RNF13: variants seen among roughly 807,000 people sequenced by gnomAD.
The protein encoded by RNF13 is E3 ubiquitin-protein ligase RNF13.
Under a neutral mutation model 37.7 loss-of-function variants are expected in RNF13, and 19 were observed. The ratio of observed to expected loss-of-function variants is 0.50; its 90% CI spans 0.35 to 0.74. RNF13 has a LOEUF of 0.74. Ranked by LOEUF, RNF13 falls within the 30% of genes least tolerant of loss-of-function variation. The probability of loss-of-function intolerance (pLI) is 0.01; values close to 1 mark genes in which losing one functional copy is unlikely to be tolerated. For synonymous variants in RNF13, 144 were observed against 157.8 expected (o/e 0.91, Z 0.65); for missense variants, 375 against 453.0 (o/e 0.83, Z 1.56).
At chr3:149,940,708 A>G (rs1167632148) in intron 8 of RNF13, among the ~76,000 whole-genome samples, 1 of 152,164 alleles carries the variant, frequency 6.6e-6, no homozygotes, top group African/African-American at 2.4e-5. Flanking sequence ...AACACATAAC[A>G]ATAAATTTAC....
chr3:149,932,833 C>G (rs1285702867), intron 8 of RNF13, among the ~76,000 whole-genome samples: 2 of 152,194 alleles, frequency 1.3e-5, no homozygotes, highest in Non-Finnish European at 2.9e-5. Flanking sequence ...GTCCTGTTCC[C>G]ATAGCTTCAC....
intron 1 of RNF13, 131 bp from the exon 2 acceptor site, chr3:149,845,880 C>A: frequency 1.8e-6 from 1 of 553,530 alleles, no homozygotes; most frequent in Non-Finnish European, 3.2e-6. Flanking sequence ...GAAATAAAAG[C>A]TTTACTTTTA....
At chr3:149,910,282 T>C (rs1716859034) in intron 6 of RNF13, among the ~76,000 whole-genome samples, 1 of 152,186 alleles carries the variant, frequency 6.6e-6, no homozygotes, top group Non-Finnish European at 1.5e-5. Flanking sequence ...CTGATTTTCT[T>C]TTTTACACTG....
upstream of RNF13, chr3:149,813,142 C>T (rs371445561): frequency 1.3e-5 from 2 of 152,276 alleles, no homozygotes; most frequent in East Asian, 1.9e-4. Flanking sequence ...TAACAGGCAA[C>T]CATGTTGCCC....
At chr3:149,863,129 T>C (rs1724443710) in intron 3 of RNF13, among the ~76,000 whole-genome samples, 1 of 152,228 alleles carries the variant, frequency 6.6e-6, no homozygotes, top group Admixed American at 6.5e-5. Flanking sequence ...ACTGAAATAA[T>C]TCCTCTAGTT....
At chr3:149,854,725 C>G (rs776399115) in intron 3 of RNF13, among the ~76,000 whole-genome samples, 7 of 152,154 alleles carry the variant, frequency 4.6e-5, no homozygotes, top group African/African-American at 7.2e-5. Context: ...GGTTTTACCT[C>G]ACAACATTTG....
intron 7 of RNF13, among the ~76,000 whole-genome samples, chr3:149,918,505 A>G (rs969517759): frequency 6.6e-6 from 1 of 151,976 alleles, no homozygotes; most frequent in African/African-American, 2.4e-5. Flanking sequence ...TAATATTTTC[A>G]TGGTAGATCT....
chr3:149,876,520 T>TA (rs1576805547), intron 4 of RNF13, among the ~76,000 whole-genome samples: 1 of 152,222 alleles, frequency 6.6e-6, no homozygotes, highest in East Asian at 1.9e-4. Flanking sequence ...CTGGGATACT[T>TA]TACCTGACTT....
intron 4 of RNF13, among the ~76,000 whole-genome samples, chr3:149,887,458 AC>A (rs1303054082): frequency 6.6e-6 from 1 of 152,016 alleles, no homozygotes; most frequent in East Asian, 1.9e-4. Context: ...GTGCCATCAC[AC>A]CCAGCTTATT....
chr3:149,845,675 TA>T (rs1367237431), intron 1 of RNF13: 1 of 166,784 alleles, frequency 6.0e-6, no homozygotes, highest in African/African-American at 2.4e-5. Context: ...TGTATGTTTT[TA>T]ACCATTATTT....
chr3:149,861,804 A>G (rs1724283145), intron 3 of RNF13, among the ~76,000 whole-genome samples: 2 of 152,286 alleles, frequency 1.3e-5, no homozygotes, highest in South Asian at 4.1e-4. Context: ...TTCTCAACAC[A>G]TAGAAATGAT....
At chr3:149,904,834 T>C (rs1316656407) in intron 6 of RNF13, among the ~76,000 whole-genome samples, 3 of 152,146 alleles carry the variant, frequency 2.0e-5, no homozygotes. Flanking sequence ...TAGGAAAATA[T>C]ATATCTCCTC....
chr3:149,831,879 G>A (rs1721090569), intron 1 of RNF13, among the ~76,000 whole-genome samples: 1 of 152,152 alleles, frequency 6.6e-6, no homozygotes, highest in South Asian at 2.1e-4. Flanking sequence ...TTTAGGTGGT[G>A]TGTGAGCTGA....
chr3:149,883,047 A>C (rs1713604529), intron 4 of RNF13, among the ~76,000 whole-genome samples: 1 of 152,188 alleles, frequency 6.6e-6, no homozygotes, highest in Non-Finnish European at 1.5e-5. Flanking sequence ...ATTCTCCTAC[A>C]TGTAGTTACC....
chr3:149,817,832 A>C (rs958720261), intron 1 of RNF13, among the ~76,000 whole-genome samples: 1 of 152,144 alleles, frequency 6.6e-6, no homozygotes, highest in African/African-American at 2.4e-5. Flanking sequence ...TATTATCTTC[A>C]CAAGTGGGGG....
intron 1 of RNF13, among the ~76,000 whole-genome samples, chr3:149,838,317 C>T (rs1721838899): frequency 1.3e-5 from 2 of 152,180 alleles, no homozygotes; most frequent in Non-Finnish European, 2.9e-5. Context: ...CACAGCTCCA[C>T]CAGGTGGTGC....
At chr3:149,921,285 ATACTC>A in intron 8 of RNF13, 58 bp downstream of exon 8, 1 of 686,002 alleles carries the variant, frequency 1.5e-6, no homozygotes, top group Non-Finnish European at 2.2e-6. Context: ...CAGGGTGACT[ATACTC>A]TTTAAAAAAA....
rs542645318 is a variant in RNF13 at position 149,833,738 on chromosome 3, C to A, written c.-16-12273C>A. Among the ~76,000 whole-genome samples the A allele has an allele frequency of 1.3e-4, 20 of 152,256 alleles. No homozygotes were observed. The South Asian group carries it at 2.7e-3, about 21-fold the overall frequency. ...TCCTGCCTTTGCCATTTCTATTTAT[C>A]TTGGCACCAGAAGTCCTAGCCAGAG... On this transcript the variant is annotated intron_variant, in intron 1 of 9. Transcript: ENST00000392894.
chr3:149,960,169 A>G, intron 9 of RNF13, 33 bp downstream of exon 9: 1 of 1,362,092 alleles, frequency 7.3e-7, no homozygotes, highest in Non-Finnish European at 1.0e-6. Flanking sequence ...TTGAATTTAC[A>G]TATAGTAATT....
Sources: gnomAD v4.1 joint callset for allele counts (sites outside exome capture counted in the v4.1 genomes callset) on GRCh38, gnomAD v4.1.1 for gene constraint, MANE v1.5 for transcripts, NCBI Gene and HGNC (gene_info 2026-07-23, HGNC 2026-07-21) for gene names.